Variants in GULP1 observed in about 807,000 individuals in gnomAD.
GULP1 encodes the protein GULP PTB domain containing engulfment adaptor 1.
In GULP1, 19 loss-of-function variants were observed where a neutral mutation model predicts 40.9. That is an observed-to-expected ratio of 0.46 (90% CI 0.32 to 0.68). The LOEUF is 0.68. Ranked by LOEUF, GULP1 falls within the 30% of genes least tolerant of loss-of-function variation. The probability of loss-of-function intolerance (pLI) is 0.03; values close to 1 mark genes in which losing one functional copy is unlikely to be tolerated. For missense variants in GULP1, 312 were observed against 362.2 expected (o/e 0.86, Z 1.12); for synonymous variants, 119 against 117.6 (o/e 1.01, Z -0.08).
chr2:188,390,782 G>GT (rs1178209378), intron 2 of GULP1, among the ~76,000 whole-genome samples: 2 of 151,640 alleles, frequency 1.3e-5, no homozygotes, highest in Non-Finnish European at 2.9e-5. Context: ...ATCTTGAGTT[G>GT]TTTTTTTAAA....
intron 7 of GULP1, among the ~76,000 whole-genome samples, chr2:188,565,563 A>G (rs1697454639): frequency 1.3e-5 from 2 of 152,084 alleles, no homozygotes; most frequent in South Asian, 4.1e-4. Context: ...ATGTGACATA[A>G]TGAGAACTCT....
chr2:188,553,116 G>C (rs1246116528), intron 7 of GULP1, among the ~76,000 whole-genome samples: 1 of 151,690 alleles, frequency 6.6e-6, no homozygotes, highest in East Asian at 1.9e-4. Context: ...CTAGATATAA[G>C]ATCATATCAG....
chr2:188,569,928 A>G lies in GULP1; in HGVS notation c.517-100A>G, dbSNP rs561226614. 5 of 567,326 alleles carry G rather than the reference A, an allele frequency of 8.8e-6. No individual in the cohort carries two copies. In the East Asian group the frequency reaches 1.3e-4, roughly 15 times the overall value. 35.1% of individuals were successfully genotyped at this position (567,326 alleles called of 1,614,324 possible). A position where few individuals can be genotyped will look rare whatever the true frequency, so the allele number is the denominator to read the frequency against. ...TTTCTCCCCACGCACAACAAAGTAC[A>G]TTAAAGTTTTACGTAATATAAATTC... On this transcript the variant is annotated intron_variant, in intron 8 of 11. Transcript: ENST00000409830.
chr2:188,405,014 A>G (rs950845424), intron 2 of GULP1, among the ~76,000 whole-genome samples: 2 of 152,044 alleles, frequency 1.3e-5, no homozygotes, highest in African/African-American at 4.8e-5. Flanking sequence ...CAGCAGACTC[A>G]GCCAGGGTCT....
chr2:188,543,030 A>C (rs1267827510), intron 7 of GULP1, among the ~76,000 whole-genome samples: 1 of 152,080 alleles, frequency 6.6e-6, no homozygotes, highest in Non-Finnish European at 1.5e-5. Context: ...TCCCTATCCA[A>C]ATTTGTTAAA....
At chr2:188,343,217 G>A (rs1428223873) in intron 1 of GULP1, among the ~76,000 whole-genome samples, 1 of 152,128 alleles carries the variant, frequency 6.6e-6, no homozygotes, top group African/African-American at 2.4e-5. Flanking sequence ...ACCACAGCCT[G>A]TTGATTCTTA....
chr2:188,405,917 A>T (rs150565306), intron 2 of GULP1, among the ~76,000 whole-genome samples: 1 of 152,318 alleles, frequency 6.6e-6, no homozygotes, highest in East Asian at 1.9e-4. Flanking sequence ...TAGAAACATG[A>T]CATCACATGA....
At chr2:188,399,697 A>AC (rs1382865192) in intron 2 of GULP1, among the ~76,000 whole-genome samples, 12 of 148,532 alleles carry the variant, frequency 8.1e-5, no homozygotes, top group Admixed American at 7.4e-4. Flanking sequence ...CAAGAAAAAA[A>AC]AAAAAAAAAA....
At chr2:188,400,701 G>A (rs10931357) in intron 2 of GULP1, among the ~76,000 whole-genome samples, 1 of 152,286 alleles carries the variant, frequency 6.6e-6, no homozygotes, top group African/African-American at 2.4e-5. Flanking sequence ...ATATTCTATA[G>A]TAATTTAGGT....
intron 2 of GULP1, among the ~76,000 whole-genome samples, chr2:188,399,690 GAAAAAAAAAAA>G (rs55877284): frequency 1.5e-5 from 1 of 64,676 alleles, no homozygotes; most frequent in African/African-American, 6.5e-5. Flanking sequence ...GTCCCTACAA[GAAAAAAAAAAA>G]AAAAAAAAAA....
At chr2:188,409,187 A>G (rs1023353626) in intron 2 of GULP1, among the ~76,000 whole-genome samples, 6 of 152,154 alleles carry the variant, frequency 3.9e-5, no homozygotes, top group Admixed American at 3.9e-4. Context: ...AGAGCAACAA[A>G]CTAAGAGTTG....
chr2:188,441,844 A>C (rs987681270), intron 2 of GULP1, among the ~76,000 whole-genome samples: 1 of 152,148 alleles, frequency 6.6e-6, no homozygotes, highest in African/African-American at 2.4e-5. Context: ...TAGAGCCCTG[A>C]CTGATAGAGC....
chr2:188,561,778 G>A lies in GULP1; in HGVS notation c.400-7461G>A, dbSNP rs530902103. On this transcript the variant is annotated intron_variant, in intron 7 of 11. Transcript: ENST00000409830. ...AGCCACATCTTGGGCTGGGGAGTGG[G>A]GAATGCACATCATTCTCATGGCCCA... is the stretch of plus-strand genomic sequence containing the variant. Among the ~76,000 whole-genome samples the A allele has an allele frequency of 8.7e-4, 132 of 152,238 alleles. 3 individuals carry two copies. The South Asian group carries it at 0.026, about 30-fold the overall frequency.
chr2:188,339,196 G>A (rs1389290486), intron 1 of GULP1, among the ~76,000 whole-genome samples: 1 of 152,180 alleles, frequency 6.6e-6, no homozygotes, highest in African/African-American at 2.4e-5. Flanking sequence ...TTTAAAAGCA[G>A]CTCACTTTGA....
chr2:188,520,681 T>C (rs895454590), intron 4 of GULP1, among the ~76,000 whole-genome samples: 1 of 152,192 alleles, frequency 6.6e-6, no homozygotes, highest in African/African-American at 2.4e-5. Context: ...TCAACTCATC[T>C]TTGTACCTAC....
At chr2:188,342,439 C>A (rs1311468299) in intron 1 of GULP1, among the ~76,000 whole-genome samples, 1 of 152,062 alleles carries the variant, frequency 6.6e-6, no homozygotes, top group Non-Finnish European at 1.5e-5. Context: ...TAGGGCCTAC[C>A]CTAAATCCAG....
chr2:188,361,421 A>AAGAG (rs143546797), intron 1 of GULP1, among the ~76,000 whole-genome samples: 1 of 150,376 alleles, frequency 6.6e-6, no homozygotes, highest in African/African-American at 2.4e-5. Flanking sequence ...GGCAGGAGAG[A>AAGAG]AGAGAGAGAG....
intron 2 of GULP1, among the ~76,000 whole-genome samples, chr2:188,399,708 A>C (rs964561168): frequency 6.7e-6 from 1 of 150,332 alleles, no homozygotes; most frequent in Non-Finnish European, 1.5e-5. Flanking sequence ...AAAAAAAAAA[A>C]AAAAAACATC....
chr2:188,403,684 C>A lies in GULP1; in HGVS notation c.-45+19795C>A, dbSNP rs368545221. ...AGGAAGCCACAGCTAAATCTATGCA[C>A]AGGGGAGGACTGTCAACCAAAAGGT... On this transcript the variant is annotated intron_variant, in intron 2 of 11. Transcript: ENST00000409830. Among the ~76,000 whole-genome samples the A allele has an allele frequency of 2.0e-5, 3 of 152,244 alleles. No homozygotes were observed. In the South Asian group the frequency reaches 6.2e-4, roughly 32 times the overall value.
Sources: gnomAD v4.1 joint callset for allele counts (sites outside exome capture counted in the v4.1 genomes callset) on GRCh38, gnomAD v4.1.1 for gene constraint, MANE v1.5 for transcripts, NCBI Gene and HGNC (gene_info 2026-07-23, HGNC 2026-07-21) for gene names.